DENND1B: variants seen among roughly 807,000 people sequenced by gnomAD.
The protein encoded by DENND1B is DENN domain-containing protein 1B.
A neutral mutation model predicts 90.1 loss-of-function variants in DENND1B; 59 were observed. The ratio of observed to expected loss-of-function variants is 0.65; its 90% confidence interval spans 0.53 to 0.81. The LOEUF is 0.81. DENND1B is among the 40% of genes least tolerant of loss of function. DENND1B has a pLI of 0.00. For synonymous variants in DENND1B, 337 were observed against 324.6 expected (o/e 1.04, Z -0.41); for missense variants, 862 against 912.6 (o/e 0.94, Z 0.71).
chr1:197,707,924 A>G (rs1259846233), intron 3 of DENND1B, among the ~76,000 whole-genome samples: 1 of 151,658 alleles, frequency 6.6e-6, no homozygotes, highest in Admixed American at 6.6e-5. Context: ...GGGAAGCGCA[A>G]GGGGTCAGGG....
chr1:197,735,365 C>A, intron 2 of DENND1B: 1 of 1,348,224 alleles, frequency 7.4e-7, no homozygotes, highest in Non-Finnish European at 9.6e-7. Flanking sequence ...TGGCTTTTGG[C>A]AATTAAACTA....
At chr1:197,642,843 G>A (rs1350594340) in intron 9 of DENND1B, 22 bp from the exon 10 acceptor site, 2 of 1,567,722 alleles carry the variant, frequency 1.3e-6, no homozygotes, top group Non-Finnish European at 1.7e-6. Context: ...AAAGATAATT[G>A]TGTAAGTTAC....
chr1:197,539,639 G>T (rs1242913840), intron 20 of DENND1B, among the ~76,000 whole-genome samples: 1 of 152,086 alleles, frequency 6.6e-6, no homozygotes, highest in African/African-American at 2.4e-5. Flanking sequence ...TTTTATTTTT[G>T]TAGTAAAGGA....
At chr1:197,586,266 GA>G (rs1040739935) in intron 14 of DENND1B, among the ~76,000 whole-genome samples, 5 of 151,772 alleles carry the variant, frequency 3.3e-5, no homozygotes, top group African/African-American at 9.7e-5. Flanking sequence ...AAAGAGATCT[GA>G]AAAAAATGTA....
At chr1:197,583,099 G>A (rs778491392) in intron 15 of DENND1B, 53 bp downstream of exon 15, 1 of 1,490,858 alleles carries the variant, frequency 6.7e-7, no homozygotes, top group Non-Finnish European at 9.4e-7. Context: ...ATACAAATGT[G>A]TAAAACTGAC....
chr1:197,686,102 G>C (rs1003347272), intron 3 of DENND1B, among the ~76,000 whole-genome samples: 1 of 152,046 alleles, frequency 6.6e-6, no homozygotes, highest in Non-Finnish European at 1.5e-5. Context: ...TGGCACAAGA[G>C]AACTTAAAGA....
At chr1:197,567,020 G>A (rs1221720834) in intron 15 of DENND1B, among the ~76,000 whole-genome samples, 1 of 151,812 alleles carries the variant, frequency 6.6e-6, no homozygotes, top group East Asian at 1.9e-4. Context: ...ATAAAGATTA[G>A]AACAGAACTA....
intron 10 of DENND1B, among the ~76,000 whole-genome samples, chr1:197,636,118 T>C (rs1442489114): frequency 6.6e-6 from 1 of 152,182 alleles, no homozygotes; most frequent in Non-Finnish European, 1.5e-5. Flanking sequence ...TAGCAGTTTA[T>C]AGGCAATGAG....
chr1:197,565,377 A>G lies in DENND1B; in HGVS notation c.1150-12265T>C, dbSNP rs1187293010. Reference sequence around the variant, plus strand: ...GATCTCATAGAATTTCCACTTCTACATGCTACACCACTATGTGACTCCAAG... The same window carrying G: ...GATCTCATAGAATTTCCACTTCTACGTGCTACACCACTATGTGACTCCAAG... On this transcript the variant is annotated intron_variant, in intron 15 of 22. Coordinates refer to ENST00000620048, the MANE Select transcript of DENND1B (RefSeq NM_001195215.2). 2.0e-5 allele frequency among the ~76,000 whole-genome samples: 3 copies of G among 152,084 alleles called. No individual in the cohort carries two copies. In the East Asian group the frequency reaches 5.8e-4, roughly 29 times the overall value.
intron 14 of DENND1B, 132 bp from the exon 15 acceptor site, chr1:197,583,385 A>C: frequency 1.4e-6 from 1 of 721,082 alleles, no homozygotes; most frequent in South Asian, 2.0e-5. Context: ...CCTTACACAG[A>C]ATAGTTTAGG....
intron 20 of DENND1B, among the ~76,000 whole-genome samples, chr1:197,523,681 G>T (rs1668937691): frequency 6.6e-6 from 1 of 152,076 alleles, no homozygotes; most frequent in Non-Finnish European, 1.5e-5. Flanking sequence ...CCCATTACAG[G>T]CAATGATATC....
At chr1:197,529,800 T>C (rs1014927255) in intron 20 of DENND1B, among the ~76,000 whole-genome samples, 2 of 152,176 alleles carry the variant, frequency 1.3e-5, no homozygotes, top group East Asian at 3.8e-4. Flanking sequence ...TCTCCAGTAT[T>C]CTATTCTAAA....
intron 20 of DENND1B, among the ~76,000 whole-genome samples, chr1:197,513,927 C>A (rs182317167): frequency 2.0e-5 from 3 of 151,732 alleles, no homozygotes; most frequent in Admixed American, 1.3e-4. Flanking sequence ...GTTTCTTTTT[C>A]ATCTTCCTTT....
intron 10 of DENND1B, among the ~76,000 whole-genome samples, chr1:197,629,581 G>A (rs775581796): frequency 3.2e-4 from 48 of 151,662 alleles, no homozygotes; most frequent in Non-Finnish European, 5.9e-4. Context: ...AATGCTAAAT[G>A]ATGAGTTAAT....
At chr1:197,616,406 T>C (rs1451649181) in intron 11 of DENND1B, among the ~76,000 whole-genome samples, 3 of 151,084 alleles carry the variant, frequency 2.0e-5, no homozygotes, top group Non-Finnish European at 4.5e-5. Flanking sequence ...GACTTGTGTG[T>C]GTGACACTTA....
intron 8 of DENND1B, among the ~76,000 whole-genome samples, chr1:197,646,002 G>A (rs1031416864): frequency 2.6e-5 from 4 of 151,656 alleles, no homozygotes; most frequent in Admixed American, 6.6e-5. Flanking sequence ...GGGAAAAAAT[G>A]TTAAGGCAAA....
intron 3 of DENND1B, among the ~76,000 whole-genome samples, chr1:197,691,044 T>C (rs188239930): frequency 2.0e-4 from 30 of 152,024 alleles, no homozygotes; most frequent in Admixed American, 3.3e-4. Context: ...ACACCAATCA[T>C]GGATATATGA....
chr1:197,698,835 C>T (rs1410041055), intron 3 of DENND1B, among the ~76,000 whole-genome samples: 2 of 152,104 alleles, frequency 1.3e-5, no homozygotes, highest in Non-Finnish European at 2.9e-5. Context: ...TTCCTGGACA[C>T]ATACACACTC....
At chr1:197,685,481 A>G (rs185807699) in intron 3 of DENND1B, among the ~76,000 whole-genome samples, 5 of 152,314 alleles carry the variant, frequency 3.3e-5, no homozygotes, top group African/African-American at 1.2e-4. Flanking sequence ...AAATAAAATT[A>G]TATTCAGGTT....
Sources: gnomAD v4.1 joint callset for allele counts (sites outside exome capture counted in the v4.1 genomes callset) on GRCh38, gnomAD v4.1.1 for gene constraint, MANE v1.5 for transcripts, NCBI Gene and HGNC (gene_info 2026-07-23, HGNC 2026-07-21) for gene names.